Variants in MEMO1 observed in about 807,000 individuals in gnomAD.
The protein encoded by MEMO1 is protein MEMO1.
A neutral mutation model predicts 45.2 loss-of-function variants in MEMO1; 6 were observed. The ratio of observed to expected loss-of-function variants is 0.13; its 90% CI spans 0.07 to 0.26. The LOEUF (loss-of-function observed/expected upper bound fraction) is 0.26, where lower values mean the gene tolerates loss of function less well. MEMO1 is among the 10% of genes least tolerant of loss of function. MEMO1 has a pLI of 1.00. For synonymous variants in MEMO1, 78 were observed against 124.3 expected, an observed-to-expected ratio of 0.63 and a Z score of 2.48; for missense variants, 184 against 370.5, an observed-to-expected ratio of 0.50 and a Z score of 4.13.
At chr2:31,901,964 A>C (rs1465324479) in intron 6 of MEMO1, among the ~76,000 whole-genome samples, 4 of 149,466 alleles carry the variant, frequency 2.7e-5, no homozygotes, top group Non-Finnish European at 4.5e-5. Flanking sequence ...AACTCTGTAG[A>C]TTTACTAAAA....
intron 2 of MEMO1, chr2:31,963,245 T>C: frequency 6.5e-7 from 1 of 1,545,270 alleles, no homozygotes; most frequent in Non-Finnish European, 8.7e-7. Flanking sequence ...ATGGCATGAG[T>C]CAATTCCAAA....
intron 2 of MEMO1, among the ~76,000 whole-genome samples, chr2:31,989,740 A>AT (rs1374164159): frequency 6.6e-6 from 1 of 152,116 alleles, no homozygotes; most frequent in Non-Finnish European, 1.5e-5. Flanking sequence ...CAATAAAATG[A>AT]TTTTTTTTAA....
intron 2 of MEMO1, among the ~76,000 whole-genome samples, chr2:31,946,416 A>G (rs372420031): frequency 6.6e-6 from 1 of 152,224 alleles, no homozygotes; most frequent in Non-Finnish European, 1.5e-5. Flanking sequence ...TGATTAAACA[A>G]TGGTGTTCAT....
At chr2:31,951,482 G>A (rs763185228) in intron 2 of MEMO1, among the ~76,000 whole-genome samples, 1 of 150,396 alleles carries the variant, frequency 6.6e-6, no homozygotes, top group Non-Finnish European at 1.5e-5. Flanking sequence ...AAGTGTTTCC[G>A]AGAAGCCTTA....
At chr2:31,912,065 G>A (rs1290958509) in intron 6 of MEMO1, among the ~76,000 whole-genome samples, 1 of 152,162 alleles carries the variant, frequency 6.6e-6, no homozygotes, top group African/African-American at 2.4e-5. Flanking sequence ...TGGGAGCGGT[G>A]GGTCACACCT....
intron 8 of MEMO1, among the ~76,000 whole-genome samples, chr2:31,873,269 G>A (rs1342585659): frequency 6.6e-6 from 1 of 152,084 alleles, no homozygotes; most frequent in Non-Finnish European, 1.5e-5. Flanking sequence ...TCAGCGCTAA[G>A]ATATAAGGCA....
Position 31,955,221 on chromosome 2 carries a change from A to C in MEMO1, c.62-11838T>G, listed in dbSNP as rs562134423. Among the ~76,000 whole-genome samples, 9 of 152,076 alleles carry C rather than the reference A, an allele frequency of 5.9e-5. No individual in the cohort carries two copies. In the South Asian group the frequency reaches 1.9e-3, roughly 32 times the overall value. ...AAAAAAAAACAAAAAACAAACAAAC[A>C]AACGTGAGGCCCACTGCCTTAAAGG... On this transcript the variant is annotated intron_variant, in intron 2 of 9. Transcript: ENST00000404530.
At chr2:31,901,374 CAAAAAAAAAAAAAAA>C (rs70964738) in intron 6 of MEMO1, among the ~76,000 whole-genome samples, 2 of 22,688 alleles carry the variant, frequency 8.8e-5, no homozygotes, top group African/African-American at 2.6e-4. Context: ...CTCTGTCTCA[CAAAAAAAAAAAAAAA>C]AAAAAAAAAA....
chr2:32,001,110 C>T (rs992857979), intron 2 of MEMO1, among the ~76,000 whole-genome samples: 1 of 142,882 alleles, frequency 7.0e-6, no homozygotes, highest in African/African-American at 2.6e-5. Context: ...GCAATCTCGG[C>T]TCACTGCAAG....
chr2:31,880,250 C>T lies in MEMO1; in HGVS notation c.657+3136G>A, dbSNP rs565391256. On this transcript the variant is annotated intron_variant, in intron 8 of 9. Coordinates refer to ENST00000404530, the MANE Select transcript of MEMO1 (RefSeq NM_001301833.4). ...TTTTCTGAGGCAACTGAGAACTAAA[C>T]CTCAGAATAAAAAGACTAGAAGTCA... 1.2e-4 allele frequency among the ~76,000 whole-genome samples: 19 copies of T among 152,164 alleles called. 1 individual carries two copies. Among genetic ancestry groups the T allele is most frequent in the Middle Eastern group, 3.4e-3 (1 of 294 alleles).
At chr2:31,935,621 GGAA>G (rs929452782) in intron 3 of MEMO1, among the ~76,000 whole-genome samples, 1 of 152,108 alleles carries the variant, frequency 6.6e-6, no homozygotes, top group African/African-American at 2.4e-5. Flanking sequence ...CATCAAAGGA[GGAA>G]GAAGATAATA....
chr2:31,922,082 C>T (rs1682397247), intron 4 of MEMO1, among the ~76,000 whole-genome samples: 1 of 151,974 alleles, frequency 6.6e-6, no homozygotes, highest in African/African-American at 2.4e-5. Flanking sequence ...ACTCATAAAG[C>T]CAAAACTATG....
intron 2 of MEMO1, among the ~76,000 whole-genome samples, chr2:31,999,497 C>G (rs1389123172): frequency 2.0e-5 from 3 of 152,088 alleles, no homozygotes; most frequent in Admixed American, 1.3e-4. Context: ...ACCCGCCCCC[C>G]CATCTCTACC....
chr2:31,889,347 TC>T (rs956959665), intron 7 of MEMO1, among the ~76,000 whole-genome samples: 14 of 152,062 alleles, frequency 9.2e-5, no homozygotes, highest in Admixed American at 4.6e-4. Flanking sequence ...AGGAACTGAA[TC>T]CCTCCTGTGA....
intron 2 of MEMO1, among the ~76,000 whole-genome samples, chr2:31,974,507 G>A (rs368172102): frequency 3.9e-5 from 6 of 152,266 alleles, no homozygotes; most frequent in African/African-American, 1.4e-4. Flanking sequence ...AGTATTCTGG[G>A]GGGTTGAGGC....
At chr2:31,897,470 A>T (rs1252283275) in intron 6 of MEMO1, among the ~76,000 whole-genome samples, 1 of 152,184 alleles carries the variant, frequency 6.6e-6, no homozygotes, top group Non-Finnish European at 1.5e-5. Context: ...ATGTATTGAG[A>T]CAATCATGTG....
intron 2 of MEMO1, among the ~76,000 whole-genome samples, chr2:31,999,804 T>C (rs561620769): frequency 6.6e-6 from 1 of 152,260 alleles, no homozygotes; most frequent in East Asian, 1.9e-4. Flanking sequence ...ACCTTTGAAT[T>C]TGCTGTACCC....
intron 2 of MEMO1, among the ~76,000 whole-genome samples, chr2:32,004,921 CGT>C (rs1673861597): frequency 6.8e-6 from 1 of 146,820 alleles, no homozygotes; most frequent in Admixed American, 6.8e-5. Context: ...AGTTAGACCC[CGT>C]TTCAAAAAAA....
At chr2:31,889,411 T>C (rs746236769) in intron 7 of MEMO1, among the ~76,000 whole-genome samples, 1 of 152,066 alleles carries the variant, frequency 6.6e-6, no homozygotes, top group Non-Finnish European at 1.5e-5. Flanking sequence ...TCAAGCTGTA[T>C]AGTATCTCTT....
Sources: allele counts gnomAD v4.1 joint callset (sites outside exome capture counted in the v4.1 genomes callset), GRCh38; gene constraint gnomAD v4.1.1; transcripts MANE v1.5; gene names NCBI Gene and HGNC (gene_info 2026-07-23, HGNC 2026-07-21).